Variants in TBC1D22A observed in about 807,000 individuals in gnomAD.
The protein encoded by TBC1D22A is TBC1 domain family member 22A.
A neutral mutation model predicts 60.2 loss-of-function variants in TBC1D22A; 38 were observed. That is an observed-to-expected ratio of 0.63 (90% CI 0.49 to 0.83). The LOEUF (loss-of-function observed/expected upper bound fraction) is 0.83. Ranked by LOEUF, TBC1D22A falls within the 40% of genes least tolerant of loss-of-function variation. The pLI, the probability that TBC1D22A is intolerant of heterozygous loss-of-function variation, is 0.00. For missense variants in TBC1D22A, 628 were observed against 701.0 expected, an observed-to-expected ratio of 0.90 and a Z score of 1.18; for synonymous variants, 302 against 281.7, an observed-to-expected ratio of 1.07 and a Z score of -0.72.
At chr22:46,899,172 C>T (rs149963256) in intron 7 of TBC1D22A, among the ~76,000 whole-genome samples, 27 of 152,212 alleles carry the variant, frequency 1.8e-4, no homozygotes, top group African/African-American at 5.5e-4. Flanking sequence ...CTTGGCCGGG[C>T]GTGGTGGCTC....
intron 4 of TBC1D22A, among the ~76,000 whole-genome samples, chr22:46,875,426 T>C (rs1169109970): frequency 1.3e-5 from 2 of 152,190 alleles, no homozygotes; most frequent in Non-Finnish European, 2.9e-5. Flanking sequence ...AGACATGTTC[T>C]GTGTCTTGTC....
intron 7 of TBC1D22A, among the ~76,000 whole-genome samples, chr22:46,901,708 TGG>T (rs11285556): frequency 1.4e-4 from 22 of 151,832 alleles, no homozygotes; most frequent in East Asian, 7.8e-4. Flanking sequence ...ATAACTCACA[TGG>T]GGGGGGGATG....
chr22:47,021,614 C>A (rs890995591), intron 10 of TBC1D22A, among the ~76,000 whole-genome samples: 6 of 151,854 alleles, frequency 4.0e-5, no homozygotes, highest in Non-Finnish European at 8.8e-5. Flanking sequence ...CCTAGCAGAA[C>A]CTCACCTGTC....
At chr22:46,904,154 C>CTATCTAT (rs1569199922) in intron 7 of TBC1D22A, among the ~76,000 whole-genome samples, 1 of 107,188 alleles carries the variant, frequency 9.3e-6, no homozygotes, top group African/African-American at 3.5e-5. Context: ...TACCTACCTA[C>CTATCTAT]CTACCTACCT....
Position 47,173,969 on chromosome 22 carries a change from T to C in TBC1D22A, c.*343T>C. The C allele has an allele frequency of 4.4e-6, 1 of 226,668 alleles. No individual in the cohort carries two copies. Among genetic ancestry groups the C allele is most frequent in the Middle Eastern group, 1.7e-3 (1 of 606 alleles). The allele number at this position is 226,668 out of a possible 1,614,324, so 14.0% of individuals were successfully genotyped here. The stretch of plus-strand genomic sequence containing the variant: ...GGGGCAGCCTAGGAGGCCGACCCTC[T>C]TTGGAGTCCTGCTGTCTGGGTGCCA... On this transcript the variant is annotated 3_prime_UTR_variant, in exon 13 of 13. Transcript: ENST00000337137.
intron 10 of TBC1D22A, among the ~76,000 whole-genome samples, chr22:47,020,488 C>T (rs756460700): frequency 4.3e-4 from 62 of 144,282 alleles, no homozygotes; most frequent in Middle Eastern, 6.9e-3. Flanking sequence ...TCTTATTTCT[C>T]TGTTTCCTTC....
At chr22:46,898,533 ATT>A (rs5845770) in intron 7 of TBC1D22A, among the ~76,000 whole-genome samples, 5 of 151,298 alleles carry the variant, frequency 3.3e-5, no homozygotes, top group African/African-American at 7.3e-5. Flanking sequence ...GTGAATCTGC[ATT>A]TTTTTTTTAA....
intron 4 of TBC1D22A, among the ~76,000 whole-genome samples, chr22:46,807,179 G>A (rs186921683): frequency 2.7e-4 from 41 of 152,274 alleles, no homozygotes; most frequent in Admixed American, 3.3e-4. Context: ...CACCACCAGC[G>A]TGGAACGATG....
intron 12 of TBC1D22A, among the ~76,000 whole-genome samples, chr22:47,171,967 G>A (rs192741241): frequency 6.6e-6 from 1 of 152,268 alleles, no homozygotes; most frequent in Admixed American, 6.5e-5. Flanking sequence ...AGCACTCCCA[G>A]TAAGCCCAAC....
chr22:46,810,745 T>G (rs138258517), intron 4 of TBC1D22A, among the ~76,000 whole-genome samples: 1 of 152,202 alleles, frequency 6.6e-6, no homozygotes, highest in Admixed American at 6.5e-5. Flanking sequence ...TTTAAAACAA[T>G]AATTACATAA....
intron 8 of TBC1D22A, among the ~76,000 whole-genome samples, chr22:46,931,044 A>G (rs1019002968): frequency 6.6e-6 from 1 of 152,194 alleles, no homozygotes; most frequent in African/African-American, 2.4e-5. Context: ...TCAGTTCCAG[A>G]GTTCTAGTCC....
At chr22:47,161,526 T>TC (rs1451432099) in intron 12 of TBC1D22A, among the ~76,000 whole-genome samples, 4 of 152,266 alleles carry the variant, frequency 2.6e-5, no homozygotes, top group African/African-American at 4.8e-5. Context: ...TGGCTTTTTT[T>TC]CCCTCTCACC....
intron 8 of TBC1D22A, among the ~76,000 whole-genome samples, chr22:46,940,977 A>ATATG (rs1222463421): frequency 7.0e-6 from 1 of 143,370 alleles, no homozygotes; most frequent in Non-Finnish European, 1.5e-5. Context: ...ATATATATAT[A>ATATG]TATGTATGTA....
At chr22:46,971,242 C>T (rs550093525) in intron 8 of TBC1D22A, among the ~76,000 whole-genome samples, 18 of 152,280 alleles carry the variant, frequency 1.2e-4, no homozygotes, top group African/African-American at 4.3e-4. Context: ...ACCAAGAGAG[C>T]GAGGCTCCTG....
chr22:47,090,298 T>C (rs983478270), intron 11 of TBC1D22A, among the ~76,000 whole-genome samples: 1 of 151,814 alleles, frequency 6.6e-6, no homozygotes, highest in Non-Finnish European at 1.5e-5. Flanking sequence ...GACAAGGATA[T>C]AGGCACAGGA....
rs114118252 is a variant in TBC1D22A at position 47,063,892 on chromosome 22, C to T, written c.1329+26694C>T. ...TTCTCCCATTGTGTGGCTGTGTCCA[C>T]GTTTTCCTCTTCTGTGAGGACACCC... On this transcript the variant is annotated intron_variant, in intron 11 of 12. Coordinates refer to ENST00000337137, the MANE Select transcript of TBC1D22A (RefSeq NM_014346.5). Among the ~76,000 whole-genome samples the T allele has an allele frequency of 6.1e-3, 933 of 152,220 alleles. 10 individuals are homozygous for T. The highest frequency in any genetic ancestry group is 0.02 in the African/African-American group (844 of 41,524).
chr22:46,766,937 T>C (rs2083309318), intron 1 of TBC1D22A, among the ~76,000 whole-genome samples: 1 of 152,222 alleles, frequency 6.6e-6, no homozygotes, highest in Non-Finnish European at 1.5e-5. Flanking sequence ...TGGTATGTGC[T>C]TGCTTTCACT....
chr22:47,025,028 A>G (rs1482610534), intron 10 of TBC1D22A, among the ~76,000 whole-genome samples: 1 of 152,240 alleles, frequency 6.6e-6, no homozygotes, highest in East Asian at 1.9e-4. Context: ...CAAGAGGATC[A>G]TTTCATATGA....
chr22:46,839,338 C>T (rs1232454960), intron 4 of TBC1D22A, among the ~76,000 whole-genome samples: 2 of 149,620 alleles, frequency 1.3e-5, no homozygotes, highest in African/African-American at 2.5e-5. Flanking sequence ...GACGGAGTCT[C>T]GCTCTGTCAC....
Sources: allele counts gnomAD v4.1 joint callset (sites outside exome capture counted in the v4.1 genomes callset), GRCh38; gene constraint gnomAD v4.1.1; transcripts MANE v1.5; gene names NCBI Gene and HGNC (gene_info 2026-07-23, HGNC 2026-07-21).